The following SLC35F4 variants were observed in gnomAD, a reference collection of about 807,000 sequenced individuals.
SLC35F4 encodes the protein solute carrier family 35 member F4.
A neutral mutation model predicts 44.2 loss-of-function variants in SLC35F4; 24 were observed. The observed-to-expected ratio is 0.54, with a 90% confidence interval of 0.39 to 0.76. The LOEUF is 0.76. Ranked by LOEUF, SLC35F4 falls within the 30% of genes least tolerant of loss-of-function variation. SLC35F4 has a pLI of 0.00. For missense variants in SLC35F4, 562 were observed against 586.1 expected, an observed-to-expected ratio of 0.96 and a Z score of 0.42; for synonymous variants, 238 against 223.6, an observed-to-expected ratio of 1.06 and a Z score of -0.57.
At chr14:57,847,236 T>C (rs1261135355) in intron 1 of SLC35F4, among the ~76,000 whole-genome samples, 1 of 152,190 alleles carries the variant, frequency 6.6e-6, no homozygotes, top group Non-Finnish European at 1.5e-5. Flanking sequence ...CCTTGGAGCT[T>C]TAAAAAGTAC....
intron 5 of SLC35F4, among the ~76,000 whole-genome samples, chr14:57,571,071 G>C (rs1255720540): frequency 6.6e-6 from 1 of 152,150 alleles, no homozygotes; most frequent in Non-Finnish European, 1.5e-5. Context: ...AATCAGAACA[G>C]GCTTCCAGGA....
chr14:57,797,671 T>C (rs2078086090), intron 1 of SLC35F4, among the ~76,000 whole-genome samples: 1 of 152,056 alleles, frequency 6.6e-6, no homozygotes, highest in Non-Finnish European at 1.5e-5. Flanking sequence ...CATTTAAAAA[T>C]GCACAGAAAA....
At chr14:57,769,614 A>C (rs1387385428) in intron 1 of SLC35F4, among the ~76,000 whole-genome samples, 1 of 152,222 alleles carries the variant, frequency 6.6e-6, no homozygotes, top group Non-Finnish European at 1.5e-5. Context: ...ATCATCTCTG[A>C]AGAGAGGCTG....
intron 1 of SLC35F4, among the ~76,000 whole-genome samples, chr14:57,938,227 A>G (rs550696282): frequency 6.6e-6 from 1 of 152,290 alleles, no homozygotes; most frequent in African/African-American, 2.4e-5. Context: ...CAACACCAAG[A>G]AAACCTAGAC....
chr14:57,574,670 T>C (rs1307928752), intron 4 of SLC35F4, among the ~76,000 whole-genome samples: 1 of 152,236 alleles, frequency 6.6e-6, no homozygotes, highest in East Asian at 1.9e-4. Context: ...ATATATTTCT[T>C]ATCTATACTG....
intron 1 of SLC35F4, among the ~76,000 whole-genome samples, chr14:57,823,259 G>A (rs1308009424): frequency 6.6e-6 from 1 of 152,012 alleles, no homozygotes; most frequent in African/African-American, 2.4e-5. Context: ...CCTTCTGCCT[G>A]GAACACTCTT....
In SLC35F4 at chr14:57,955,818, G is replaced by A. The variant is rs11850715; in HGVS notation, n.282+26095C>T. On this transcript the variant is annotated intron_variant and non_coding_transcript_variant, in intron 1 of 1. Coordinates refer to the SLC35F4 transcript ENST00000556568. ...ACACAAACAAATGGCAAAACATTTT[G>A]TGCTCTTGGATAGGAAGAATCAATA... 3.5e-3 allele frequency among the ~76,000 whole-genome samples: 538 copies of A among 152,142 alleles called. 3 individuals carry two copies. The highest frequency in any genetic ancestry group is 0.012 in the African/African-American group (509 of 41,528).
At chr14:57,861,688 C>T (rs1181654853) in intron 1 of SLC35F4, among the ~76,000 whole-genome samples, 1 of 152,320 alleles carries the variant, frequency 6.6e-6, no homozygotes, top group African/African-American at 2.4e-5. Context: ...CTTCTTTTTA[C>T]TTGACCTTTC....
chr14:57,921,020 G>C (rs963273272), intron 1 of SLC35F4, among the ~76,000 whole-genome samples: 7 of 152,198 alleles, frequency 4.6e-5, no homozygotes, highest in Non-Finnish European at 1.0e-4. Flanking sequence ...ATGTTAATGT[G>C]TTCTCCTATT....
chr14:57,650,782 C>A (rs550867161), intron 1 of SLC35F4, among the ~76,000 whole-genome samples: 1 of 152,248 alleles, frequency 6.6e-6, no homozygotes, highest in African/African-American at 2.4e-5. Flanking sequence ...TCCAGGTCAG[C>A]CTCATGGCCC....
intron 1 of SLC35F4, among the ~76,000 whole-genome samples, chr14:57,835,922 G>C (rs1203692455): frequency 2.0e-5 from 3 of 152,204 alleles, no homozygotes. Context: ...TGGGCTGAGA[G>C]TTAAAGAATG....
At chr14:57,622,826 AT>A (rs1476635297) in intron 1 of SLC35F4, among the ~76,000 whole-genome samples, 5 of 152,176 alleles carry the variant, frequency 3.3e-5, no homozygotes, top group African/African-American at 7.2e-5. Context: ...TAATAAAAAA[AT>A]AAAAAATAAA....
intron 3 of SLC35F4, among the ~76,000 whole-genome samples, chr14:57,584,641 T>G (rs2069559376): frequency 6.6e-6 from 1 of 152,288 alleles, no homozygotes; most frequent in East Asian, 1.9e-4. Context: ...CTACATGCAC[T>G]ATAGGTAGAG....
chr14:57,655,773 C>T (rs545756269), intron 1 of SLC35F4, among the ~76,000 whole-genome samples: 3 of 152,098 alleles, frequency 2.0e-5, no homozygotes, highest in South Asian at 4.1e-4. Flanking sequence ...GTTCTCACTT[C>T]GGACTCAAGT....
At chr14:57,810,448 T>G (rs577959907) in intron 1 of SLC35F4, among the ~76,000 whole-genome samples, 1 of 152,354 alleles carries the variant, frequency 6.6e-6, no homozygotes, top group African/African-American at 2.4e-5. Flanking sequence ...TTACAGCAGT[T>G]TAGAACAGTT....
At chr14:57,950,257 G>T (rs1293909544) in intron 1 of SLC35F4, among the ~76,000 whole-genome samples, 5 of 151,564 alleles carry the variant, frequency 3.3e-5, no homozygotes, top group African/African-American at 4.8e-5. Flanking sequence ...GTCTGATTGG[G>T]TTAATTTGAA....
intron 1 of SLC35F4, among the ~76,000 whole-genome samples, chr14:57,778,232 A>T (rs1016209820): frequency 6.6e-6 from 1 of 152,234 alleles, no homozygotes; most frequent in Non-Finnish European, 1.5e-5. Flanking sequence ...GCCACATGGA[A>T]CTATAAGCCC....
At chr14:57,672,173 G>A (rs1012526438) in intron 1 of SLC35F4, among the ~76,000 whole-genome samples, 3 of 151,900 alleles carry the variant, frequency 2.0e-5, no homozygotes, top group African/African-American at 2.4e-5. Context: ...ATGATCACTC[G>A]CAGAGGCCAC....
intron 1 of SLC35F4, among the ~76,000 whole-genome samples, chr14:57,751,563 A>T (rs2076884529): frequency 6.6e-6 from 1 of 152,180 alleles, no homozygotes; most frequent in Non-Finnish European, 1.5e-5. Context: ...AAACACGTCG[A>T]TTTACTTTAA....
Sources: allele counts gnomAD v4.1 joint callset (sites outside exome capture counted in the v4.1 genomes callset), GRCh38; gene constraint gnomAD v4.1.1; transcripts MANE v1.5; gene names NCBI Gene and HGNC (gene_info 2026-07-23, HGNC 2026-07-21).